The following CLNK variants were observed in gnomAD, a reference collection of about 807,000 sequenced individuals.
The protein encoded by CLNK is cytokine-dependent hematopoietic cell linker.
CLNK carries 74 observed loss-of-function variants against 68.6 expected under a neutral mutation model. That is an observed-to-expected ratio of 1.08 (90% CI 0.89 to 1.31). The LOEUF (loss-of-function observed/expected upper bound fraction) is 1.31. Among genes scored for constraint, CLNK ranks in the 50% most tolerant of loss-of-function variants. The pLI, the probability that CLNK is intolerant of heterozygous loss-of-function variation, is 0.00. For synonymous variants in CLNK, 198 were observed against 172.2 expected, an observed-to-expected ratio of 1.15 and a Z score of -1.17; for missense variants, 553 against 515.3, an observed-to-expected ratio of 1.07 and a Z score of -0.71.
rs1212031277 is a variant in CLNK, at chr4:10,518,944, G to A, written c.772+1847C>T. On this transcript the variant is annotated intron_variant, in intron 15 of 18. Coordinates refer to ENST00000226951, the MANE Select transcript of CLNK (RefSeq NM_052964.4). ...TCCAGGCATGAATTCATACCCAGTA[G>A]AATGAGTATCGGTTCAGTAGCTGAT... 2.0e-5 allele frequency among the ~76,000 whole-genome samples: 3 copies of A among 152,200 alleles called. No homozygotes were observed. In the East Asian group the frequency reaches 5.8e-4, roughly 29 times the overall value.
chr4:10,514,354 A>G (rs1386170439), intron 15 of CLNK, among the ~76,000 whole-genome samples: 3 of 152,196 alleles, frequency 2.0e-5, no homozygotes, highest in Non-Finnish European at 4.4e-5. Flanking sequence ...CATAATTTAT[A>G]GTCATTTGGG....
intron 1 of CLNK, among the ~76,000 whole-genome samples, chr4:10,672,685 T>C (rs944772685): frequency 6.6e-6 from 1 of 152,124 alleles, no homozygotes. Context: ...AAATATAATG[T>C]CCCAGAAAGT....
intron 4 of CLNK, among the ~76,000 whole-genome samples, chr4:10,579,461 T>C (rs980261648): frequency 6.6e-6 from 1 of 152,162 alleles, no homozygotes; most frequent in African/African-American, 2.4e-5. Flanking sequence ...CATATAACCA[T>C]ATTTTGGTCA....
chr4:10,616,486 A>G (rs1722229947), intron 2 of CLNK, among the ~76,000 whole-genome samples: 2 of 152,218 alleles, frequency 1.3e-5, no homozygotes, highest in Non-Finnish European at 2.9e-5. Flanking sequence ...ACATCTCTGA[A>G]GAACAAGTAA....
At chr4:10,512,387 C>T (rs573950841) in intron 16 of CLNK, among the ~76,000 whole-genome samples, 3 of 152,158 alleles carry the variant, frequency 2.0e-5, no homozygotes, top group East Asian at 3.9e-4. Context: ...TGTGCCACCA[C>T]GCCTGGCTAA....
intron 2 of CLNK, among the ~76,000 whole-genome samples, chr4:10,639,658 T>G (rs1351616683): frequency 1.3e-5 from 2 of 152,228 alleles, no homozygotes; most frequent in African/African-American, 4.8e-5. Flanking sequence ...TAACTTAAAA[T>G]TAATTAAACA....
intron 4 of CLNK, 24 bp from the exon 5 acceptor site, chr4:10,571,802 G>T: frequency 6.2e-7 from 1 of 1,603,516 alleles, no homozygotes; most frequent in Non-Finnish European, 8.5e-7. Flanking sequence ...CAGACCGAGT[G>T]TTATTTTAAT....
At chr4:10,520,557 A>G (rs1030552739) in intron 15 of CLNK, among the ~76,000 whole-genome samples, 13 of 152,214 alleles carry the variant, frequency 8.5e-5, no homozygotes, top group African/African-American at 3.1e-4. Context: ...CAACATCTAT[A>G]CTAGTGTTGA....
Position 10,584,411 on chromosome 4 carries a change from C to G in CLNK, c.112+516G>C, listed in dbSNP as rs189103811. On this transcript the variant is annotated intron_variant, in intron 4 of 18. Transcript: ENST00000226951. ...GTGGGACTTTCCCTGAAATAATAAC[C>G]CTCCCCAGTGAATACTACATGCTTT... Among the ~76,000 whole-genome samples, 18 of 152,266 alleles carry G rather than the reference C, an allele frequency of 1.2e-4. No homozygotes were observed. The East Asian group carries it at 2.9e-3, about 24-fold the overall frequency.
intron 16 of CLNK, among the ~76,000 whole-genome samples, 161 bp from the exon 17 acceptor site, chr4:10,508,197 C>G (rs1717393883): frequency 6.6e-6 from 1 of 152,170 alleles, no homozygotes; most frequent in Admixed American, 6.5e-5. Context: ...CTTGGAGAAG[C>G]CCACAGATGC....
At chr4:10,512,577 C>A (rs1717638679) in intron 16 of CLNK, among the ~76,000 whole-genome samples, 1 of 151,836 alleles carries the variant, frequency 6.6e-6, no homozygotes. Flanking sequence ...TTATGAGACC[C>A]TTTTAGAATT....
chr4:10,516,968 G>C (rs1022307046), intron 15 of CLNK, among the ~76,000 whole-genome samples: 1 of 152,060 alleles, frequency 6.6e-6, no homozygotes, highest in Non-Finnish European at 1.5e-5. Context: ...CTTAATTATG[G>C]TTAGTTATTT....
the CLNK span, among the ~76,000 whole-genome samples, chr4:10,701,083 A>G: frequency 6.6e-6 from 1 of 152,150 alleles, no homozygotes; most frequent in Non-Finnish European, 1.5e-5. Flanking sequence ...TTCTTCTTCC[A>G]ATTCTTCCAT....
intron 2 of CLNK, among the ~76,000 whole-genome samples, chr4:10,600,376 T>A (rs759385475): frequency 6.6e-6 from 1 of 152,208 alleles, no homozygotes; most frequent in Non-Finnish European, 1.5e-5. Context: ...CAAATAGTTA[T>A]TGGGTTTATT....
the CLNK span, among the ~76,000 whole-genome samples, chr4:10,725,266 C>G: frequency 6.6e-6 from 1 of 152,132 alleles, no homozygotes; most frequent in Non-Finnish European, 1.5e-5. Context: ...CTGCCAGGGT[C>G]CCCTCTCCTC....
intron 1 of CLNK, among the ~76,000 whole-genome samples, chr4:10,673,683 G>A (rs1327460425): frequency 6.6e-6 from 1 of 151,744 alleles, no homozygotes; most frequent in East Asian, 1.9e-4. Flanking sequence ...TGGGGGGTCT[G>A]GGGGAGTGAT....
Position 10,508,021 on chromosome 4 carries a change from C to T in CLNK, c.922G>A (p.Glu308Lys). 6.2e-7 allele frequency: 1 copy of T among 1,610,982 alleles called. No individual in the cohort carries two copies. Among genetic ancestry groups the T allele is most frequent in the Non-Finnish European group, 8.5e-7 (1 of 1,178,538 alleles). ...CGGCTGTATTCTCCAATGTACCATTCATTGTGCTGGACATCCTGCAGAACA... is the reference window on the plus strand; with the variant it reads ...CGGCTGTATTCTCCAATGTACCATTTATTGTGCTGGACATCCTGCAGAACA... ...RSDRKDVQHN[E>K]WYIGEYSRQA... The change falls in exon 17 of 19, where the codon GAA (glutamate) becomes AAA (lysine). Residue 308 changes from glutamate (E) to lysine (K), a missense_variant. Coordinates refer to ENST00000226951, the MANE Select transcript of CLNK (RefSeq NM_052964.4).
chr4:10,692,554 C>G, the CLNK span, among the ~76,000 whole-genome samples: 2 of 152,132 alleles, frequency 1.3e-5, no homozygotes, highest in African/African-American at 4.8e-5. Context: ...TATTTTATGA[C>G]AGACTAAGAT....
chr4:10,599,420 TTCATTA>T (rs1333809285), intron 2 of CLNK, among the ~76,000 whole-genome samples: 1 of 152,274 alleles, frequency 6.6e-6, no homozygotes, highest in African/African-American at 2.4e-5. Flanking sequence ...GATGGCTTAT[TTCATTA>T]TCATTAATTT....
Sources: allele counts gnomAD v4.1 joint callset (sites outside exome capture counted in the v4.1 genomes callset), GRCh38; gene constraint gnomAD v4.1.1; transcripts MANE v1.5; gene names NCBI Gene and HGNC (gene_info 2026-07-23, HGNC 2026-07-21).